The following SDK1 variants were observed in gnomAD, a reference collection of about 807,000 sequenced individuals.
SDK1 encodes the protein sidekick cell adhesion molecule 1.
In SDK1, 157 loss-of-function variants were observed where a neutral mutation model predicts 245.5. That is an observed-to-expected ratio of 0.64 (90% CI 0.56 to 0.73). The LOEUF (loss-of-function observed/expected upper bound fraction) is 0.73. Among genes scored for constraint, SDK1 ranks in the 30% least tolerant of loss-of-function variants. The pLI is 0.00. For missense variants in SDK1, 3,583 were observed against 3,002.3 expected, an observed-to-expected ratio of 1.19 and a Z score of -4.52; for synonymous variants, 1,647 against 1,278.5, an observed-to-expected ratio of 1.29 and a Z score of -6.15.
At chr7:3,387,837 T>C (rs1167317949) in intron 1 of SDK1, among the ~76,000 whole-genome samples, 2 of 152,248 alleles carry the variant, frequency 1.3e-5, no homozygotes, top group Non-Finnish European at 2.9e-5. Flanking sequence ...TTGAACATTG[T>C]ACACGTTGCG....
intron 4 of SDK1, among the ~76,000 whole-genome samples, chr7:3,788,302 TCCATCGC>T (rs1183045109): frequency 6.6e-6 from 1 of 152,158 alleles, no homozygotes; most frequent in East Asian, 1.9e-4. Flanking sequence ...TGTGTCTCCC[TCCATCGC>T]CCATAACAGG....
chr7:3,472,802 G>C (rs1200821440), intron 1 of SDK1, among the ~76,000 whole-genome samples: 3 of 152,182 alleles, frequency 2.0e-5, no homozygotes, highest in Non-Finnish European at 4.4e-5. Context: ...TGAGAACATA[G>C]GGTAACAGCA....
chr7:3,641,912 C>A, intron 3 of SDK1, 46 bp from the exon 4 acceptor site: 2 of 1,562,088 alleles, frequency 1.3e-6, no homozygotes, highest in Non-Finnish European at 1.7e-6. Context: ...CTTCCCTCCC[C>A]CAAAAATGTT....
rs545246708 is a variant in SDK1 at position 3,364,804 on chromosome 7, T to G, written c.298+62920T>G. Among the ~76,000 whole-genome samples the G allele has an allele frequency of 5.3e-5, 8 of 152,316 alleles. No homozygotes were observed. The East Asian group carries it at 1.5e-3, about 29-fold the overall frequency. On this transcript the variant is annotated intron_variant, in intron 1 of 44. Coordinates refer to ENST00000404826, the MANE Select transcript of SDK1 (RefSeq NM_152744.4). ...AAATTTTAGCATACACTTTTCTGTA[T>G]CTAGAAAAAAATCTTGCTGTGATTT...
At chr7:3,676,208 G>A (rs548134918) in intron 4 of SDK1, among the ~76,000 whole-genome samples, 6 of 151,818 alleles carry the variant, frequency 4.0e-5, no homozygotes, top group Admixed American at 1.3e-4. Context: ...TTGTGGAGAC[G>A]GGGTCTCACT....
chr7:4,089,047 G>A (rs1000986856), intron 22 of SDK1, among the ~76,000 whole-genome samples: 10 of 150,848 alleles, frequency 6.6e-5, no homozygotes, highest in Admixed American at 3.3e-4. Context: ...AGATGGAGGT[G>A]AGACTCTCCC....
At chr7:4,208,068 A>T (rs781514344) in intron 36 of SDK1, 31 bp from the exon 37 acceptor site, 1 of 1,568,658 alleles carries the variant, frequency 6.4e-7, no homozygotes, top group South Asian at 1.2e-5. Flanking sequence ...CTTCCCCAGG[A>T]CCCACCCCAA....
intron 22 of SDK1, among the ~76,000 whole-genome samples, chr7:4,086,034 G>T (rs1474524417): frequency 6.6e-6 from 1 of 152,064 alleles, no homozygotes; most frequent in African/African-American, 2.4e-5. Flanking sequence ...TTAGACTTTT[G>T]GTTTTTCCTT....
chr7:4,227,439 T>TA (rs1562457196), intron 40 of SDK1: 1 of 470,962 alleles, frequency 2.1e-6, no homozygotes, highest in African/African-American at 2.0e-5. Context: ...TGTCTTTTTT[T>TA]TAAATCAGAT....
At chr7:3,568,720 C>G (rs775200799) in intron 1 of SDK1, among the ~76,000 whole-genome samples, 1 of 152,240 alleles carries the variant, frequency 6.6e-6, no homozygotes, top group East Asian at 1.9e-4. Flanking sequence ...TAGATGTGGC[C>G]TTTGGTAGGC....
At chr7:3,331,122 G>A (rs1030803822) in intron 1 of SDK1, among the ~76,000 whole-genome samples, 1 of 152,022 alleles carries the variant, frequency 6.6e-6, no homozygotes, top group Non-Finnish European at 1.5e-5. Flanking sequence ...AAATTAGCTG[G>A]GTGTGGTGGT....
At chr7:3,919,291 G>C (rs1250474605) in intron 5 of SDK1, among the ~76,000 whole-genome samples, 1 of 152,196 alleles carries the variant, frequency 6.6e-6, no homozygotes, top group Non-Finnish European at 1.5e-5. Context: ...GCAAGATCTG[G>C]GGTGCATGGC....
intron 1 of SDK1, among the ~76,000 whole-genome samples, chr7:3,376,134 C>T (rs917235226): frequency 3.3e-5 from 5 of 152,100 alleles, no homozygotes; most frequent in Non-Finnish European, 5.9e-5. Context: ...GAGTTTGAGG[C>T]TGCAGTGAGC....
At chr7:3,334,195 A>G (rs1181094535) in intron 1 of SDK1, among the ~76,000 whole-genome samples, 1 of 152,152 alleles carries the variant, frequency 6.6e-6, no homozygotes, top group Non-Finnish European at 1.5e-5. Context: ...GATTGAAGTG[A>G]GTCAATCTGC....
chr7:3,737,145 G>A (rs1454917492), intron 4 of SDK1, among the ~76,000 whole-genome samples: 1 of 152,222 alleles, frequency 6.6e-6, no homozygotes, highest in African/African-American at 2.4e-5. Context: ...CTGCAGCCTG[G>A]TGGAGTGGCA....
At chr7:3,834,250 G>A (rs578021579) in intron 5 of SDK1, among the ~76,000 whole-genome samples, 1 of 152,272 alleles carries the variant, frequency 6.6e-6, no homozygotes, top group Non-Finnish European at 1.5e-5. Flanking sequence ...CTCAGAAAAC[G>A]CTGAGCGTCT....
chr7:4,113,969 T>C, intron 24 of SDK1, 68 bp from the exon 25 acceptor site: 1 of 1,349,308 alleles, frequency 7.4e-7, no homozygotes. Context: ...GGCAGGCCCA[T>C]CCCTTACAAC....
intron 1 of SDK1, among the ~76,000 whole-genome samples, chr7:3,501,359 G>T (rs1350389811): frequency 6.9e-6 from 1 of 145,860 alleles, no homozygotes; most frequent in Non-Finnish European, 1.5e-5. Flanking sequence ...CTTGCTATGG[G>T]CTAGGGAATC....
intron 4 of SDK1, among the ~76,000 whole-genome samples, chr7:3,698,516 G>A (rs747144549): frequency 6.6e-5 from 10 of 152,134 alleles, no homozygotes; most frequent in African/African-American, 1.2e-4. Flanking sequence ...CACTCAGAGC[G>A]TCAGTGGAGG....
Sources: allele counts gnomAD v4.1 joint callset (sites outside exome capture counted in the v4.1 genomes callset), GRCh38; gene constraint gnomAD v4.1.1; transcripts MANE v1.5; gene names NCBI Gene and HGNC (gene_info 2026-07-23, HGNC 2026-07-21).